The following TBX15 variants were observed in gnomAD, a reference collection of about 807,000 sequenced individuals.
The protein encoded by TBX15 is T-box transcription factor TBX15.
A neutral mutation model predicts 53.9 loss-of-function variants in TBX15; 18 were observed. The observed-to-expected ratio is 0.33, with a 90% CI of 0.23 to 0.49. The LOEUF (loss-of-function observed/expected upper bound fraction) is 0.49, where lower values mean the gene tolerates loss of function less well. Ranked by LOEUF, TBX15 falls within the 20% of genes least tolerant of loss-of-function variation. The pLI is 0.98. For synonymous variants in TBX15, 295 were observed against 278.0 expected, an observed-to-expected ratio of 1.06 and a Z score of -0.61; for missense variants, 692 against 749.5, an observed-to-expected ratio of 0.92 and a Z score of 0.90.
rs768353159 is a variant in TBX15 at position 118,947,826 on chromosome 1, T to A, written c.206-15994A>T. ...GAGAGCCTGGGTTCTCTCCTCAAAC[T>A]GGTCCATGCCTCCCCCAGCAGCAGT... On this transcript the variant is annotated intron_variant, in intron 1 of 7. Coordinates refer to ENST00000369429, the MANE Select transcript of TBX15 (RefSeq NM_001330677.2). Among the ~76,000 whole-genome samples the A allele has an allele frequency of 2.6e-5, 4 of 152,160 alleles. No individual in the cohort carries two copies. The South Asian group carries it at 8.3e-4, about 32-fold the overall frequency.
intron 7 of TBX15, among the ~76,000 whole-genome samples, chr1:118,893,269 A>AGAAGGAAG (rs373917263): frequency 0.11 from 6,461 of 60,994 alleles, 599 homozygotes; most frequent in Middle Eastern, 0.15. Flanking sequence ...AAAGAAAGGA[A>AGAAGGAAG]GAAGGAAGGA....
At chr1:118,943,980 C>A (rs1571195006) in intron 1 of TBX15, among the ~76,000 whole-genome samples, 1 of 152,248 alleles carries the variant, frequency 6.6e-6, no homozygotes, top group African/African-American at 2.4e-5. Flanking sequence ...CCATCCCACA[C>A]CACCTTCAGA....
chr1:118,936,530 G>T (rs910254961), intron 1 of TBX15, among the ~76,000 whole-genome samples: 6 of 151,620 alleles, frequency 4.0e-5, no homozygotes, highest in African/African-American at 1.5e-4. Context: ...GGGGGGTGGG[G>T]GTATAAGATA....
At chr1:118,940,721 G>GAA (rs1444258667) in intron 1 of TBX15, among the ~76,000 whole-genome samples, 3 of 81,784 alleles carry the variant, frequency 3.7e-5, no homozygotes, top group African/African-American at 1.4e-4. Context: ...AAGCATATCA[G>GAA]AAAAACAAAA....
chr1:118,884,971 T>G lies in TBX15; in HGVS notation c.1570A>C (p.Thr524Pro). The G allele has an allele frequency of 1.2e-6, 2 of 1,613,818 alleles. No homozygotes were observed. Among genetic ancestry groups the G allele is most frequent in the South Asian group, 2.2e-5 (2 of 91,064 alleles). Residue 524 changes from threonine to proline, a missense_variant, in exon 8 of 8, where the codon ACT (threonine) becomes CCT (proline). Around this residue, in one of 3 missense-constraint regions of TBX15, gnomAD observed 375 missense variants for 371.6 expected, o/e 1.01. Transcript: ENST00000369429. ...PYNLYGYNFP[T>P]SPRLAASPEK... is the part of the protein sequence containing the mutation. ...GGGCTTGCAGCTAGCCTAGGGGAAGTGGGGAAATTGTATCCATACAGGTTG... is the reference window on the plus strand; with the variant it reads ...GGGCTTGCAGCTAGCCTAGGGGAAGGGGGGAAATTGTATCCATACAGGTTG...
intron 6 of TBX15, among the ~76,000 whole-genome samples, chr1:118,899,731 A>G (rs1399861777): frequency 6.6e-6 from 1 of 152,204 alleles, no homozygotes; most frequent in African/African-American, 2.4e-5. Context: ...GCTTGGTCTC[A>G]AAAATTATGG....
At chr1:118,909,973 T>C (rs1379539090) in intron 6 of TBX15, among the ~76,000 whole-genome samples, 3 of 152,150 alleles carry the variant, frequency 2.0e-5, no homozygotes, top group Non-Finnish European at 4.4e-5. Flanking sequence ...TCGGAGGACA[T>C]AGTTGTCAGC....
chr1:118,938,458 G>C (rs959770643), intron 1 of TBX15, among the ~76,000 whole-genome samples: 5 of 152,172 alleles, frequency 3.3e-5, no homozygotes, highest in Admixed American at 6.5e-5. Flanking sequence ...GCCTTTGAGA[G>C]AGTCTTTGCA....
At chr1:118,939,343 G>A (rs1366383939) in intron 1 of TBX15, among the ~76,000 whole-genome samples, 1 of 145,270 alleles carries the variant, frequency 6.9e-6, no homozygotes, top group Non-Finnish European at 1.5e-5. Context: ...GGAAGGTCGA[G>A]GCTGCAGTGA....
chr1:118,959,024 C>CAGAGAGAGAGAGAGAGAGAGAG lies in TBX15; in HGVS notation c.206-27214_206-27193dup, dbSNP rs10563585. ...TAGTGGTCATCAGAAGGTATAATAT[C>CAGAGAGAGAGAGAGAGAGAGAG]AGAGAGAGAGAGAGAGAGAGAGAGA... On this transcript the variant is annotated intron_variant, in intron 1 of 7. Transcript: ENST00000369429. 2.3e-3 allele frequency among the ~76,000 whole-genome samples: 333 copies of CAGAGAGAGAGAGAGAGAGAGAG among 144,514 alleles called. 4 individuals carry two copies. The highest frequency in any genetic ancestry group is 6.4e-3 in the African/African-American group (251 of 39,058). The allele number at this position is 144,514 out of a possible 152,430, so 94.8% of individuals were successfully genotyped here. A position where few individuals can be genotyped will look rare whatever the true frequency, so the allele number is the denominator to read the frequency against.
rs184626976 is a variant in TBX15 at position 118,940,160 on chromosome 1, A to G, written c.206-8328T>C. ...CTGCTCAATCAGAAGGTAGCGCTAC[A>G]GAAATTAAAACTGTCGGTTTTTTGA... is the stretch of plus-strand genomic sequence containing the variant. On this transcript the variant is annotated intron_variant, in intron 1 of 7. Transcript: ENST00000369429. 2.0e-5 allele frequency among the ~76,000 whole-genome samples: 3 copies of G among 152,068 alleles called. No individual in the cohort carries two copies. The East Asian group carries it at 5.8e-4, about 29-fold the overall frequency.
At chr1:118,928,414 T>C (rs1328630010) in intron 2 of TBX15, among the ~76,000 whole-genome samples, 1 of 152,242 alleles carries the variant, frequency 6.6e-6, no homozygotes, top group Non-Finnish European at 1.5e-5. Context: ...TAATGAAATT[T>C]GATGATGGGA....
intron 7 of TBX15, among the ~76,000 whole-genome samples, chr1:118,898,598 A>C (rs1469435380): frequency 6.6e-6 from 1 of 152,060 alleles, no homozygotes; most frequent in Non-Finnish European, 1.5e-5. Context: ...TCACCTGGAG[A>C]CCTGATACAA....
chr1:118,901,309 G>A (rs1272578584), intron 6 of TBX15: 1 of 455,658 alleles, frequency 2.2e-6, no homozygotes, highest in Non-Finnish European at 4.4e-6. Context: ...AAGAGAGAAA[G>A]GCACCAAACT....
intron 6 of TBX15, among the ~76,000 whole-genome samples, chr1:118,905,800 T>TA (rs1251643483): frequency 6.6e-6 from 1 of 151,668 alleles, no homozygotes; most frequent in African/African-American, 2.4e-5. Flanking sequence ...GAAAGTGAGA[T>TA]AGACACTTGA....
At chr1:118,893,332 A>AGAAGGAAGGAAGGAAG (rs1229778000) in intron 7 of TBX15, among the ~76,000 whole-genome samples, 12 of 77,844 alleles carry the variant, frequency 1.5e-4, no homozygotes, top group African/African-American at 1.0e-3. Context: ...GAAAGAAGAA[A>AGAAGGAAGGAAGGAAG]GAAGGAAGGA....
chr1:118,886,488 T>G (rs956198579), intron 7 of TBX15, among the ~76,000 whole-genome samples: 2 of 152,168 alleles, frequency 1.3e-5, no homozygotes, highest in African/African-American at 4.8e-5. Context: ...ATAGAGGACC[T>G]GGCAGCTTTT....
intron 6 of TBX15, among the ~76,000 whole-genome samples, chr1:118,903,378 G>A (rs2282322): frequency 0.15 from 23,071 of 152,160 alleles, 2,554 homozygotes; most frequent in East Asian, 0.4. Flanking sequence ...AAAGATGGCA[G>A]TATCATTCCT....
At chr1:118,902,162 TTTTA>T (rs1654653233) in intron 6 of TBX15, among the ~76,000 whole-genome samples, 1 of 152,122 alleles carries the variant, frequency 6.6e-6, no homozygotes, top group African/African-American at 2.4e-5. Context: ...ATATTATTGA[TTTTA>T]TTTATGTATT....
Sources: gnomAD v4.1 joint callset for allele counts (sites outside exome capture counted in the v4.1 genomes callset) on GRCh38, gnomAD v4.1.1 for gene constraint, gnomAD v4.1.1 regional missense constraint, MANE v1.5 for transcripts, NCBI Gene and HGNC (gene_info 2026-07-23, HGNC 2026-07-21) for gene names.